Variants in DNAH5 observed in about 807,000 individuals in gnomAD.
The protein encoded by DNAH5 is axonemal beta dynein heavy chain 5.
A neutral mutation model predicts 518.2 loss-of-function variants in DNAH5; 372 were observed. The ratio of observed to expected loss-of-function variants is 0.72; its 90% CI spans 0.66 to 0.78. The LOEUF is 0.78. Among genes scored for constraint, DNAH5 ranks in the 30% least tolerant of loss-of-function variants. The probability of loss-of-function intolerance (pLI) is 0.00; values close to 1 mark genes in which losing one functional copy is unlikely to be tolerated. For synonymous variants in DNAH5, 2,039 were observed against 2,025.9 expected, an observed-to-expected ratio of 1.01 and a Z score of -0.17; for missense variants, 5,523 against 5,687.0, an observed-to-expected ratio of 0.97 and a Z score of 0.93.
chr5:13,702,858 C>A (rs998776749), intron 76 of DNAH5, among the ~76,000 whole-genome samples: 50 of 152,178 alleles, frequency 3.3e-4, no homozygotes, highest in African/African-American at 1.2e-3. Context: ...ACCTGAGGCT[C>A]AGCACCAAAC....
chr5:13,951,972 A>G (rs1780452749), intron 1 of DNAH5, among the ~76,000 whole-genome samples: 1 of 152,220 alleles, frequency 6.6e-6, no homozygotes, highest in Admixed American at 6.5e-5. Context: ...TTGTCTTCCT[A>G]TAGAAAGATT....
intron 35 of DNAH5, among the ~76,000 whole-genome samples, chr5:13,833,275 C>T (rs766731556): frequency 1.3e-5 from 2 of 151,970 alleles, no homozygotes; most frequent in Admixed American, 6.5e-5. Flanking sequence ...TCCATCTCTA[C>T]TAAAAATACA....
In DNAH5 at chr5:13,865,871, T is replaced by A. The variant is rs7703349; in HGVS notation, c.4152A>T (p.Thr1384=). 2 of 1,610,162 alleles carry A rather than the reference T, an allele frequency of 1.2e-6. No individual in the cohort carries two copies. Among genetic ancestry groups the A allele is most frequent in the Non-Finnish European group, 1.7e-6 (2 of 1,176,760 alleles). The stretch of plus-strand genomic sequence containing the variant: ...CAAAAAGCTCCTCTCCTCCAGTATA[T>A]GTGATGTATTTCCGATAGATATTAT... ...QFDNIYRKYI[T]YTGGEELFGL... Residue 1384 remains threonine, a synonymous_variant, in exon 27 of 79, where the codon ACA becomes ACT. Transcript: ENST00000265104.
At chr5:14,007,143 G>T (rs1399670763) in intron 1 of DNAH5, among the ~76,000 whole-genome samples, 2 of 152,198 alleles carry the variant, frequency 1.3e-5, no homozygotes, top group Non-Finnish European at 2.9e-5. Context: ...CTGATACTTA[G>T]TTGATCTTCC....
chr5:13,922,246 G>A lies in DNAH5; in HGVS notation c.521C>T (p.Pro174Leu). 1 of 1,613,914 alleles carries A rather than the reference G, an allele frequency of 6.2e-7. No individual in the cohort carries two copies. The highest frequency in any genetic ancestry group is 1.1e-5 in the South Asian group (1 of 91,076). ...GCCATGGCTCGTGGCTCTGAGAGCA[G>A]GAATGAAGATGTCCGACAGCAAACG... is the stretch of plus-strand genomic sequence containing the variant. ...VRRLLSDIFI[P>L]ALRATSHGWG... is the part of the protein sequence containing the mutation. Residue 174 changes from proline to leucine, a missense_variant, in exon 5 of 79, where the codon CCT becomes CTT. By Grantham distance (98) the Pro-to-Leu change is moderately conservative. Around this residue, in one of 3 missense-constraint regions of DNAH5, gnomAD observed 5,121 missense variants for 5,223.3 expected, o/e 0.98. Transcript: ENST00000265104.
At position 13,919,304 on chromosome 5, in the gene DNAH5, G is replaced by A; in HGVS notation, c.847C>T (p.Pro283Ser). ...QLLKEADDVG[P>S]RAELEHWKKR... Reference sequence around the variant, plus strand: ...TTCCAGTGCTCCAGCTCCGCTCGTGGCCCAACGTCATCCGCTTCCTTCAGC... The same window carrying A: ...TTCCAGTGCTCCAGCTCCGCTCGTGACCCAACGTCATCCGCTTCCTTCAGC... The change falls in exon 7 of 79, where the codon CCA becomes TCA. Residue 283 changes from proline (P) to serine (S), a missense_variant. Physicochemically the swap from Pro to Ser is moderately conservative, Grantham distance 74 (BLOSUM62 -1). This residue lies in a region of DNAH5 where 5,121 missense variants were observed against 5,223.3 expected (regional missense o/e 0.98). Coordinates refer to ENST00000265104, the MANE Select transcript of DNAH5 (RefSeq NM_001369.3). 1 of 1,614,090 alleles carries A rather than the reference G, an allele frequency of 6.2e-7. No individual in the cohort carries two copies. The highest frequency in any genetic ancestry group is 8.5e-7 in the Non-Finnish European group (1 of 1,180,004).
At chr5:13,923,597 C>T (rs1180505696) in intron 3 of DNAH5, among the ~76,000 whole-genome samples, 157 bp from the exon 4 acceptor site, 1 of 152,192 alleles carries the variant, frequency 6.6e-6, no homozygotes. Flanking sequence ...ATGAGCCGTA[C>T]AGGGATCTTA....
chr5:13,906,374 T>C (rs1271458609), intron 12 of DNAH5, among the ~76,000 whole-genome samples: 2 of 152,168 alleles, frequency 1.3e-5, no homozygotes, highest in Non-Finnish European at 1.5e-5. Flanking sequence ...GGGAATATAG[T>C]AAATCTCTGT....
intron 27 of DNAH5, 59 bp from the exon 28 acceptor site, chr5:13,864,696 C>CTATTAAATAGTATT (rs1768968090): frequency 1.9e-6 from 3 of 1,580,432 alleles, no homozygotes; most frequent in Middle Eastern, 1.7e-4. Flanking sequence ...ATCACTGGAC[C>CTATTAAATAGTATT]AAGACGGTCT....
chr5:13,752,417 T>C (rs969225025), intron 63 of DNAH5, 128 bp from the exon 64 acceptor site: 3 of 1,143,130 alleles, frequency 2.6e-6, no homozygotes, highest in Non-Finnish European at 1.3e-6. Context: ...GCATCCAAAA[T>C]GTTCCCAAAT....
intron 21 of DNAH5, among the ~76,000 whole-genome samples, chr5:13,879,299 G>T (rs761436857): frequency 6.6e-6 from 1 of 152,140 alleles, no homozygotes; most frequent in African/African-American, 2.4e-5. Flanking sequence ...AAATACAGAT[G>T]CTCCTTGACC....
chr5:13,790,970 C>A (rs1378999666), intron 50 of DNAH5, among the ~76,000 whole-genome samples: 1 of 152,078 alleles, frequency 6.6e-6, no homozygotes, highest in Non-Finnish European at 1.5e-5. Context: ...CTATTGGGTA[C>A]TGGGATTAAT....
At chr5:13,871,895 T>G in intron 22 of DNAH5, 130 bp from the exon 23 acceptor site, 1 of 841,794 alleles carries the variant, frequency 1.2e-6, no homozygotes, top group Non-Finnish European at 1.9e-6. Flanking sequence ...TGTGATTATC[T>G]GGAAATGCCA....
At position 13,793,768 on chromosome 5, in the gene DNAH5, T is replaced by G. The variant is rs1240010717; in HGVS notation, c.8011-40A>C. On this transcript the variant is annotated intron_variant, in intron 48 of 78. Coordinates refer to ENST00000265104, the MANE Select transcript of DNAH5 (RefSeq NM_001369.3). ...TTTCAGAATTAAAGCATCATTCCTT[T>G]CTATCCCCGGAGCCTAACTCCTTGA... 5.6e-6 allele frequency: 9 copies of G among 1,600,358 alleles called. No homozygotes were observed. The East Asian group carries it at 2.0e-4, about 36-fold the overall frequency.
chr5:13,869,806 G>A, intron 24 of DNAH5, among the ~76,000 whole-genome samples: 1 of 144,102 alleles, frequency 6.9e-6, no homozygotes, highest in South Asian at 2.1e-4. Flanking sequence ...GGAAAAAAGA[G>A]TTTGTTTGTT....
At chr5:13,736,258 GC>G (rs987378149) in intron 66 of DNAH5, among the ~76,000 whole-genome samples, 1 of 152,170 alleles carries the variant, frequency 6.6e-6, no homozygotes, top group African/African-American at 2.4e-5. Context: ...TTAACACCCA[GC>G]AAGCGAGGTA....
chr5:14,011,633 G>A (rs1319239242), intron 1 of DNAH5, among the ~76,000 whole-genome samples: 1 of 152,088 alleles, frequency 6.6e-6, no homozygotes, highest in Non-Finnish European at 1.5e-5. Flanking sequence ...CGCGTGGCCC[G>A]AGCGCGCACA....
Position 13,811,663 on chromosome 5 carries a change from C to G in DNAH5, c.7391G>C (p.Gly2464Ala). 1 of 1,614,102 alleles carries G rather than the reference C, an allele frequency of 6.2e-7. No homozygotes were observed. Among genetic ancestry groups the G allele is most frequent in the Non-Finnish European group, 8.5e-7 (1 of 1,180,010 alleles). ...GCAATTTACCTTCAGAGGAATCAGG[C>G]CTTGAAGCATGTTAATGCTCTGTGT... is the stretch of plus-strand genomic sequence containing the variant. ...VITQSINMLQ[G>A]LIPLKEQGGE... is the part of the protein sequence containing the mutation. The change falls in exon 44 of 79, where the codon GGC (glycine) becomes GCC (alanine). Residue 2464 changes from glycine to alanine, a missense_variant. Transcript: ENST00000265104.
intron 53 of DNAH5, among the ~76,000 whole-genome samples, chr5:13,779,209 G>C (rs1365545803): frequency 6.6e-6 from 1 of 152,148 alleles, no homozygotes; most frequent in Admixed American, 6.5e-5. Flanking sequence ...TTCCTGTGCA[G>C]GTTGCCTTTT....
Sources: gnomAD v4.1 joint callset for allele counts (sites outside exome capture counted in the v4.1 genomes callset) on GRCh38, gnomAD v4.1.1 for gene constraint, gnomAD v4.1.1 regional missense constraint, MANE v1.5 for transcripts, NCBI Gene and HGNC (gene_info 2026-07-23, HGNC 2026-07-21) for gene names.